Variants in ACACB observed in about 807,000 individuals in gnomAD.
ACACB encodes acetyl-CoA carboxylase 2.
A neutral mutation model predicts 278.8 loss-of-function variants in ACACB; 209 were observed. That is an observed-to-expected ratio of 0.75 (90% CI 0.67 to 0.84). The LOEUF (loss-of-function observed/expected upper bound fraction) is 0.84. Ranked by LOEUF, ACACB falls within the 40% of genes least tolerant of loss-of-function variation. The pLI is 0.00. For missense variants in ACACB, 2,850 were observed against 3,269.0 expected, an observed-to-expected ratio of 0.87 and a Z score of 3.13; for synonymous variants, 1,174 against 1,285.6, an observed-to-expected ratio of 0.91 and a Z score of 1.86.
At chr12:109,210,099 G>GTGTATA (rs1307605592) in intron 21 of ACACB, among the ~76,000 whole-genome samples, 1 of 113,408 alleles carries the variant, frequency 8.8e-6, no homozygotes, top group African/African-American at 3.5e-5. Context: ...ACACACATGT[G>GTGTATA]TGTGTATATG....
At chr12:109,127,245 C>T (rs528390228) in intron 1 of ACACB, among the ~76,000 whole-genome samples, 204 of 152,258 alleles carry the variant, frequency 1.3e-3, no homozygotes, top group Non-Finnish European at 1.9e-3. Context: ...AGCTGTGTGA[C>T]TTCAAACAAG....
intron 22 of ACACB, 138 bp downstream of exon 22, chr12:109,213,074 C>T: frequency 1.5e-6 from 1 of 662,564 alleles, no homozygotes; most frequent in South Asian, 1.9e-5. Flanking sequence ...AGTGCCATTA[C>T]TAACAGCAGA....
At chr12:109,225,969 G>A (rs2046301357) in intron 27 of ACACB, among the ~76,000 whole-genome samples, 1 of 152,014 alleles carries the variant, frequency 6.6e-6, no homozygotes, top group African/African-American at 2.4e-5. Flanking sequence ...GTGGTTACTA[G>A]AAAATTTAAA....
rs748376417 is a variant in ACACB, at chr12:109,185,582, G to A, written c.1822G>A (p.Ala608Thr). 2.0e-5 allele frequency: 33 copies of A among 1,613,384 alleles called. No homozygotes were observed. Among genetic ancestry groups the A allele is most frequent in the South Asian group, 1.6e-4 (15 of 91,050 alleles). The stretch of plus-strand genomic sequence containing the variant: ...GGGTTGGATCTCTTGATTTTAGATC[G>A]CCATGGGCGTGCCACTGCACCGGCT... ...VNLPAAQLQI[A>T]MGVPLHRLKD... Residue 608 changes from alanine (A) to threonine (T), a missense_variant, in exon 12 of 53, where the codon GCC becomes ACC. Transcript: ENST00000338432.
At chr12:109,238,826 A>G (rs1043842754) in intron 34 of ACACB, among the ~76,000 whole-genome samples, 2 of 151,720 alleles carry the variant, frequency 1.3e-5, no homozygotes, top group African/African-American at 4.8e-5. Context: ...CGGCCTCCCA[A>G]AGTGCTGGGA....
intron 4 of ACACB, among the ~76,000 whole-genome samples, chr12:109,168,876 C>T (rs778962903): frequency 3.3e-5 from 5 of 152,062 alleles, no homozygotes; most frequent in Non-Finnish European, 7.4e-5. Flanking sequence ...CAGTGGCTCA[C>T]GCCTGTAATC....
At position 109,151,779 on chromosome 12, in the gene ACACB, G is replaced by T. The variant is rs1324792033; in HGVS notation, c.653+11721G>T. Among the ~76,000 whole-genome samples the T allele has an allele frequency of 6.1e-4, 93 of 152,234 alleles. 1 individual carries two copies. Among genetic ancestry groups the T allele is most frequent in the Admixed American group, 6.1e-3 (93 of 15,284 alleles). On this transcript the variant is annotated intron_variant, in intron 2 of 52. Transcript: ENST00000338432. ...GAGGAAGGGCTTAATGCATGAGACAGCAACTACCACCATGCTTGAACTGTT... is the reference window on the plus strand; with the variant it reads ...GAGGAAGGGCTTAATGCATGAGACATCAACTACCACCATGCTTGAACTGTT...
chr12:109,188,650 A>G (rs190487237), intron 13 of ACACB, among the ~76,000 whole-genome samples: 1 of 152,138 alleles, frequency 6.6e-6, no homozygotes, highest in Non-Finnish European at 1.5e-5. Flanking sequence ...AGTAAATCAC[A>G]GGGTAGGCCC....
At position 109,176,235 on chromosome 12, in the gene ACACB, C is replaced by A; in HGVS notation, c.1409C>A (p.Ala470Glu). The change falls in exon 9 of 53, where the codon GCG becomes GAG. Residue 470 changes from alanine (A) to glutamate (E), a missense_variant. By Grantham distance (107) the Ala-to-Glu change is moderately radical (BLOSUM62 -1). Transcript: ENST00000338432. The part of the protein sequence containing the change: ...GGKGIRKAES[A>E]EDFPILFRQV... ...AAGGGAATCCGGAAGGCTGAGAGTG[C>A]GGAGGACTTCCCGATCCTTTTCAGA... 1 of 1,614,118 alleles carries A rather than the reference C, an allele frequency of 6.2e-7. No homozygotes were observed.
intron 36 of ACACB, among the ~76,000 whole-genome samples, chr12:109,241,507 C>T (rs1157727963): frequency 2.0e-5 from 3 of 152,194 alleles, no homozygotes; most frequent in South Asian, 2.1e-4. Flanking sequence ...TTAATCCATT[C>T]TGTGGCCATG....
chr12:109,240,530 T>C (rs1349524402), intron 35 of ACACB, among the ~76,000 whole-genome samples: 1 of 149,322 alleles, frequency 6.7e-6, no homozygotes, highest in African/African-American at 2.4e-5. Context: ...AATATTAAGA[T>C]TATTAATCAA....
In ACACB at chr12:109,246,338, G is replaced by A; in HGVS notation, c.5461G>A (p.Gly1821Ser). Residue 1821 changes from glycine (G) to serine (S), a missense_variant, in exon 39 of 53, where the codon GGC becomes AGC. Gly to Ser is a moderately conservative substitution (Grantham distance 56, BLOSUM62 0). This residue lies in a region of ACACB where 2,265 missense variants were observed against 2,561.3 expected (regional missense o/e 0.88). Transcript: ENST00000338432. ...GGCATCCGAGATGGCCCGGGCAGAG[G>A]GCATTCCCAAAATTTACGTGGCAGC... ...LRASEMARAE[G>S]IPKIYVAANS... 2.5e-6 allele frequency: 4 copies of A among 1,613,044 alleles called. No homozygotes were observed. The highest frequency in any genetic ancestry group is 3.4e-6 in the Non-Finnish European group (4 of 1,179,850).
chr12:109,251,538 G>A (rs139745067), intron 41 of ACACB, among the ~76,000 whole-genome samples: 32 of 152,254 alleles, frequency 2.1e-4, no homozygotes, highest in East Asian at 1.4e-3. Flanking sequence ...AGGACCCACC[G>A]TAAGTTATAA....
At chr12:109,253,508 A>G (rs534395318) in intron 43 of ACACB, among the ~76,000 whole-genome samples, 1 of 152,314 alleles carries the variant, frequency 6.6e-6, no homozygotes, top group East Asian at 1.9e-4. Context: ...CGGTAGCTGT[A>G]AGACACTGGG....
At position 109,212,167 on chromosome 12, in the gene ACACB, G is replaced by A. The variant is rs371960497; in HGVS notation, c.3250-669G>A. 9.2e-5 allele frequency among the ~76,000 whole-genome samples: 14 copies of A among 152,122 alleles called. 1 individual carries two copies. The East Asian group carries it at 1.4e-3, about 15-fold the overall frequency. On this transcript the variant is annotated intron_variant, in intron 21 of 52. Coordinates refer to ENST00000338432, the MANE Select transcript of ACACB (RefSeq NM_001093.4). ...CAGGGGTGTTTCAGGGTAGCTGGAAGGCTTTGGGCCTGGAATTTTCAATCT... is the reference window on the plus strand; with the variant it reads ...CAGGGGTGTTTCAGGGTAGCTGGAAAGCTTTGGGCCTGGAATTTTCAATCT...
In ACACB at chr12:109,258,250, C is replaced by T. The variant is rs750261582; in HGVS notation, c.6264-18C>T. 3 of 1,605,848 alleles carry T rather than the reference C, an allele frequency of 1.9e-6. No individual in the cohort carries two copies. Among genetic ancestry groups the T allele is most frequent in the Admixed American group, 3.4e-5 (2 of 58,890 alleles). On this transcript the variant is annotated intron_variant, in intron 45 of 52. Coordinates refer to ENST00000338432, the MANE Select transcript of ACACB (RefSeq NM_001093.4). Reference sequence around the variant, plus strand: ...GGGGTGCTGCCCAGGGCCTGGCTCACTGGTGCTCATTTTCCAGGCTTGGGG... The same window carrying T: ...GGGGTGCTGCCCAGGGCCTGGCTCATTGGTGCTCATTTTCCAGGCTTGGGG...
chr12:109,114,895 C>T (rs1171943638), upstream of ACACB, among the ~76,000 whole-genome samples: 1 of 152,028 alleles, frequency 6.6e-6, no homozygotes, highest in East Asian at 1.9e-4. Context: ...TAACTTGATA[C>T]CTGTGACTTT....
chr12:109,265,465 C>A lies in ACACB; in HGVS notation c.7190C>A (p.Ser2397Tyr), dbSNP rs368703551. 8 of 1,613,454 alleles carry A rather than the reference C, an allele frequency of 5.0e-6. No homozygotes were observed. Among genetic ancestry groups the A allele is most frequent in the Non-Finnish European group, 6.8e-6 (8 of 1,179,850 alleles). The change falls in exon 52 of 53, where the codon TCC becomes TAC. Residue 2397 changes from serine (S) to tyrosine (Y), a missense_variant. Ser to Tyr is a moderately radical substitution (Grantham distance 144). This residue lies in a region of ACACB where 579 missense variants were observed against 684.6 expected (regional missense o/e 0.85). Coordinates refer to ENST00000338432, the MANE Select transcript of ACACB (RefSeq NM_001093.4). Reference protein sequence around the residue: ...QHWQAGDGPRSTIRENITYLK... With the variant: ...QHWQAGDGPRYTIRENITYLK... The stretch of plus-strand genomic sequence containing the variant: ...TGGCAGGCAGGGGATGGCCCGCGCT[C>A]CACCATCCGTGAGAACATCACGTAC...
chr12:109,139,302 C>G (rs1447410708), intron 1 of ACACB, 95 bp from the exon 2 acceptor site: 1 of 1,181,374 alleles, frequency 8.5e-7, no homozygotes, highest in Non-Finnish European at 1.2e-6. Flanking sequence ...CAGGAATACA[C>G]AGCACCCCAA....
Sources: gnomAD v4.1 joint callset for allele counts (sites outside exome capture counted in the v4.1 genomes callset) on GRCh38, gnomAD v4.1.1 for gene constraint, gnomAD v4.1.1 regional missense constraint, MANE v1.5 for transcripts, NCBI Gene and HGNC (gene_info 2026-07-23, HGNC 2026-07-21) for gene names.